Variants in BIVM observed in about 807,000 individuals in gnomAD.
The protein encoded by BIVM is basic, immunoglobulin-like variable motif containing.
BIVM carries 31 observed loss-of-function variants against 61.4 expected under a neutral mutation model. The ratio of observed to expected loss-of-function variants is 0.51; its 90% CI spans 0.38 to 0.68. The LOEUF (loss-of-function observed/expected upper bound fraction) is 0.68. BIVM is among the 30% of genes least tolerant of loss of function. The probability of loss-of-function intolerance (pLI) is 0.00; values close to 1 mark genes in which losing one functional copy is unlikely to be tolerated. For missense variants in BIVM, 526 were observed against 596.0 expected, an observed-to-expected ratio of 0.88 and a Z score of 1.22; for synonymous variants, 189 against 210.7, an observed-to-expected ratio of 0.90 and a Z score of 0.89.
rs532303115 is a variant in BIVM, at chr13:102,833,327, G to GTTTTTTTT, written c.1035-1128_1035-1121dup. Among the ~76,000 whole-genome samples the GTTTTTTTT allele has an allele frequency of 4.6e-3, 365 of 79,576 alleles. 60 individuals carry two copies. Among genetic ancestry groups the GTTTTTTTT allele is most frequent in the African/African-American group, 6.7e-3 (176 of 26,090 alleles). The allele number at this position is 79,576 out of a possible 152,430, so 52.2% of individuals were successfully genotyped here. On this transcript the variant is annotated intron_variant, in intron 8 of 10. Transcript: ENST00000257336. ...TGGCTTGGTCATGGGGATAGGATGG[G>GTTTTTTTT]TTTTTTTTTTTTTTTTTTGAGACAA...
At chr13:102,829,818 G>A (rs9557939) in intron 7 of BIVM, among the ~76,000 whole-genome samples, 92,038 of 151,850 alleles carry the variant, frequency 0.61, 28,695 homozygotes, top group Middle Eastern at 0.7. Context: ...CAGCCTCGGC[G>A]ACAGAGCAAG....
chr13:102,812,066 C>G (rs1879535519), intron 3 of BIVM, among the ~76,000 whole-genome samples: 1 of 152,084 alleles, frequency 6.6e-6, no homozygotes, highest in South Asian at 2.1e-4. Flanking sequence ...GTTTACTTTT[C>G]TTCAGACCTT....
At chr13:102,834,427 G>A (rs1268879116) in intron 8 of BIVM, 39 bp from the exon 9 acceptor site, 9 of 1,556,526 alleles carry the variant, frequency 5.8e-6, no homozygotes, top group Non-Finnish European at 7.8e-6. Context: ...ACTCAAGGGA[G>A]TAACTATTAA....
intron 3 of BIVM, among the ~76,000 whole-genome samples, chr13:102,813,397 T>C (rs9518842): frequency 0.35 from 52,588 of 152,066 alleles, 9,390 homozygotes; most frequent in South Asian, 0.42. Context: ...GCATGGTATA[T>C]ATTTTTCCAT....
intron 3 of BIVM, 117 bp from the exon 4 acceptor site, chr13:102,816,311 C>G: frequency 9.7e-7 from 1 of 1,034,446 alleles, no homozygotes; most frequent in South Asian, 2.2e-5. Flanking sequence ...TTTCTTTGCA[C>G]TTTCTCAGCA....
chr13:102,809,781 T>G (rs1033845975), intron 3 of BIVM, among the ~76,000 whole-genome samples: 3 of 82,792 alleles, frequency 3.6e-5, no homozygotes, highest in Admixed American at 1.3e-4. Flanking sequence ...TCCTTTTCTT[T>G]TCTTTCTTTT....
In BIVM at chr13:102,834,836, T is replaced by A. The variant is rs891527411; in HGVS notation, c.1121+284T>A. On this transcript the variant is annotated intron_variant, in intron 9 of 10. Transcript: ENST00000257336. ...TCAGACAATATTATTTTTGCATCAA[T>A]ATCTTAAGTAACATTTTTGAGATTC... 7.9e-5 allele frequency among the ~76,000 whole-genome samples: 12 copies of A among 152,342 alleles called. No individual in the cohort carries two copies. The East Asian group carries it at 2.3e-3, about 29-fold the overall frequency.
chr13:102,815,891 A>G (rs1879839317), intron 3 of BIVM, among the ~76,000 whole-genome samples: 1 of 152,234 alleles, frequency 6.6e-6, no homozygotes, highest in Non-Finnish European at 1.5e-5. Context: ...ATCATTCTTC[A>G]TTCATTCTGT....
chr13:102,814,410 C>G (rs955091972), intron 3 of BIVM, among the ~76,000 whole-genome samples: 2 of 152,066 alleles, frequency 1.3e-5, no homozygotes, highest in Admixed American at 1.3e-4. Flanking sequence ...CAGGGGCAAT[C>G]CGAGATTCAA....
At chr13:102,833,327 G>GTATTTTTTTTTTT (rs1881231776) in intron 8 of BIVM, among the ~76,000 whole-genome samples, 1 of 79,598 alleles carries the variant, frequency 1.3e-5, no homozygotes, top group South Asian at 5.5e-4. Context: ...GATAGGATGG[G>GTATTTTTTTTTTT]TTTTTTTTTT....
intron 8 of BIVM, among the ~76,000 whole-genome samples, chr13:102,833,938 C>T (rs371256501): frequency 6.6e-6 from 1 of 152,306 alleles, no homozygotes; most frequent in Admixed American, 6.5e-5. Flanking sequence ...TTTAAACCAA[C>T]TTTGTACCCT....
intron 1 of BIVM, among the ~76,000 whole-genome samples, chr13:102,800,208 G>A (rs1878654278): frequency 6.6e-6 from 1 of 152,226 alleles, no homozygotes; most frequent in South Asian, 2.1e-4. Flanking sequence ...AGTCGAATCG[G>A]AGCCCCAGCT....
rs558241262 is a variant in BIVM, at chr13:102,802,193, ACAGTGACAGCTG to A, written c.-207+2676_-207+2687del. 1.8e-3 allele frequency among the ~76,000 whole-genome samples: 277 copies of A among 152,338 alleles called. 3 individuals are homozygous for A. The highest frequency in any genetic ancestry group is 2.7e-3 in the Non-Finnish European group (187 of 68,034). ...AAAAGGAGATAAAAGATGAGTCAAAACAGTGACAGCTGCAGCCTATTAAGTGGAGGGACAAAC... is the reference window on the plus strand; with the variant it reads ...AAAAGGAGATAAAAGATGAGTCAAAACAGCCTATTAAGTGGAGGGACAAAC... On this transcript the variant is annotated intron_variant, in intron 1 of 10. Transcript: ENST00000257336.
chr13:102,817,153 C>T (rs1296609598), intron 4 of BIVM, among the ~76,000 whole-genome samples: 2 of 152,166 alleles, frequency 1.3e-5, no homozygotes, highest in Non-Finnish European at 2.9e-5. Flanking sequence ...CACTTTCCCC[C>T]TTGTCTTTTA....
chr13:102,830,000 G>T lies in BIVM; in HGVS notation c.902-1565G>T, dbSNP rs113269403. Among the ~76,000 whole-genome samples the T allele has an allele frequency of 2.6e-3, 395 of 151,988 alleles. 1 individual carries two copies. The highest frequency in any genetic ancestry group is 8.8e-3 in the African/African-American group (366 of 41,418). ...CCCTGTATTCTATAAACTAGATCAC[G>T]GGCTGTTCCCTGAGTATATTCCTTT... is the stretch of plus-strand genomic sequence containing the variant. On this transcript the variant is annotated intron_variant, in intron 7 of 10. Transcript: ENST00000257336.
At chr13:102,801,103 A>T (rs565923430) in intron 1 of BIVM, among the ~76,000 whole-genome samples, 3 of 152,112 alleles carry the variant, frequency 2.0e-5, no homozygotes, top group Non-Finnish European at 4.4e-5. Flanking sequence ...AACAATCATG[A>T]CTCTGGCGGT....
At chr13:102,811,664 C>T (rs931359809) in intron 3 of BIVM, among the ~76,000 whole-genome samples, 9 of 152,222 alleles carry the variant, frequency 5.9e-5, no homozygotes, top group Admixed American at 5.9e-4. Context: ...GCTGGGATTA[C>T]AGGCGTGCGC....
At chr13:102,808,670 C>A (rs114580133) in intron 3 of BIVM, among the ~76,000 whole-genome samples, 2,486 of 152,140 alleles carry the variant, frequency 0.016, 74 homozygotes, top group African/African-American at 0.056. Flanking sequence ...TAGGGCTATG[C>A]AAATCTTCTA....
intron 3 of BIVM, among the ~76,000 whole-genome samples, chr13:102,814,342 T>G (rs982082200): frequency 2.0e-5 from 3 of 152,170 alleles, no homozygotes; most frequent in African/African-American, 7.2e-5. Context: ...GCTCTTTCTG[T>G]GGCAGTGCGG....
Sources: gnomAD v4.1 joint callset for allele counts (sites outside exome capture counted in the v4.1 genomes callset) on GRCh38, gnomAD v4.1.1 for gene constraint, MANE v1.5 for transcripts, NCBI Gene and HGNC (gene_info 2026-07-23, HGNC 2026-07-21) for gene names.